The following HK1 variants were observed in gnomAD, a reference collection of about 807,000 sequenced individuals.
The protein encoded by HK1 is hexokinase 1, also known as hexokinase-1.
Under a neutral mutation model 91.6 loss-of-function variants are expected in HK1, and 28 were observed. The ratio of observed to expected loss-of-function variants is 0.31; its 90% CI spans 0.23 to 0.42. HK1 has a LOEUF of 0.42. Ranked by LOEUF, HK1 falls within the 10% of genes least tolerant of loss-of-function variation. The pLI is 1.00. For missense variants in HK1, 770 were observed against 1,219.8 expected (o/e 0.63, Z 5.49); for synonymous variants, 430 against 468.1 (o/e 0.92, Z 1.05).
At chr10:69,320,063 C>T (rs1298349546) in intron 1 of HK1, among the ~76,000 whole-genome samples, 1 of 152,162 alleles carries the variant, frequency 6.6e-6, no homozygotes, top group East Asian at 1.9e-4. Flanking sequence ...TGATTTTCTG[C>T]CCGGCAAGCC....
intron 2 of HK1, among the ~76,000 whole-genome samples, chr10:69,283,217 C>T (rs942953593): frequency 1.4e-5 from 2 of 146,934 alleles, no homozygotes; most frequent in Non-Finnish European, 3.0e-5. Flanking sequence ...GAGGCCAAGG[C>T]GGGAGGATCA....
chr10:69,286,456 T>C (rs1845036909), intron 2 of HK1, among the ~76,000 whole-genome samples: 2 of 152,124 alleles, frequency 1.3e-5, no homozygotes, highest in South Asian at 4.1e-4. Flanking sequence ...ATTGCACTAC[T>C]GCACTCCAGC....
At chr10:69,272,345 T>C (rs1003503224) in intron 1 of HK1, among the ~76,000 whole-genome samples, 1 of 152,240 alleles carries the variant, frequency 6.6e-6, no homozygotes, top group African/African-American at 2.4e-5. Flanking sequence ...GGGTCTCTGA[T>C]GCCCAGGTTA....
intron 7 of HK1, among the ~76,000 whole-genome samples, chr10:69,372,819 T>G (rs368476234): frequency 3.2e-4 from 49 of 152,198 alleles, no homozygotes; most frequent in African/African-American, 1.1e-3. Context: ...TCCTCTGTAT[T>G]GTAAAAGCTC....
At chr10:69,330,885 CTTTTTTTT>C (rs1254023279) in intron 1 of HK1, among the ~76,000 whole-genome samples, 1 of 143,912 alleles carries the variant, frequency 6.9e-6, no homozygotes, top group African/African-American at 2.5e-5. Context: ...TTCTTTTTTT[CTTTTTTTT>C]TTTTTGAGAC....
intron 2 of HK1, among the ~76,000 whole-genome samples, chr10:69,347,585 A>C (rs1165831149): frequency 6.6e-6 from 1 of 151,094 alleles, no homozygotes; most frequent in Non-Finnish European, 1.5e-5. Flanking sequence ...ACAAGTGCGC[A>C]CCACCACGCT....
intron 1 of HK1, among the ~76,000 whole-genome samples, chr10:69,342,365 G>A (rs1848337966): frequency 6.6e-6 from 1 of 152,194 alleles, no homozygotes; most frequent in Non-Finnish European, 1.5e-5. Context: ...AGGGGTCAGT[G>A]CTGAAGGAGT....
intron 7 of HK1, among the ~76,000 whole-genome samples, chr10:69,376,345 C>T (rs1839105302): frequency 1.3e-5 from 2 of 151,898 alleles, no homozygotes; most frequent in Admixed American, 6.6e-5. Flanking sequence ...AAGGAGACTC[C>T]CCCTCTACAA....
In HK1 at chr10:69,355,665, G is replaced by A. The variant is rs144844291; in HGVS notation, c.227-4232G>A. Among the ~76,000 whole-genome samples, 1,038 of 152,144 alleles carry A rather than the reference G, an allele frequency of 6.8e-3. 12 individuals carry two copies. The highest frequency in any genetic ancestry group is 0.024 in the African/African-American group (987 of 41,496). ...AAATTAGCCAGTTGTGGTGGCACAC[G>A]CCTGTAATCCTAGCTACTTGGGAGG... On this transcript the variant is annotated intron_variant, in intron 2 of 17. Transcript: ENST00000359426.
At chr10:69,316,731 CTGGGT>C (rs1846666838), upstream of HK1, among the ~76,000 whole-genome samples, 1 of 152,230 alleles carries the variant, frequency 6.6e-6, no homozygotes, top group Admixed American at 6.5e-5. Flanking sequence ...CGGCTGGTGG[CTGGGT>C]TAAGGGCCAT....
intron 1 of HK1, among the ~76,000 whole-genome samples, chr10:69,273,090 G>A (rs1315757316): frequency 1.4e-5 from 2 of 147,138 alleles, no homozygotes; most frequent in African/African-American, 5.1e-5. Context: ...GAGTGCAGTA[G>A]TGCAATCTCA....
At chr10:69,295,947 A>G (rs1325797623) in intron 4 of HK1, among the ~76,000 whole-genome samples, 1 of 152,134 alleles carries the variant, frequency 6.6e-6, no homozygotes, top group Non-Finnish European at 1.5e-5. Context: ...GTCAGAGCCA[A>G]ACACAAGGCC....
upstream of HK1, among the ~76,000 whole-genome samples, chr10:69,311,735 C>T (rs1325984968): frequency 6.6e-6 from 1 of 152,066 alleles, no homozygotes; most frequent in African/African-American, 2.4e-5. Flanking sequence ...CTCCTGGGTT[C>T]AAGCAATTCT....
intron 1 of HK1, chr10:69,278,847 G>A (rs1844595025): frequency 6.6e-6 from 1 of 152,124 alleles, no homozygotes; most frequent in Admixed American, 6.5e-5. Flanking sequence ...TTTGGCTTGG[G>A]TTATTACGCA....
rs1844421617 is a variant in HK1 at position 69,276,086 on chromosome 10, T to C, written c.-391+5978T>C. Among the ~76,000 whole-genome samples the C allele has an allele frequency of 4.0e-5, 2 of 50,452 alleles. 1 individual carries two copies. Among genetic ancestry groups the C allele is most frequent in the Admixed American group, 6.3e-4 (2 of 3,184 alleles). The allele number at this position is 50,452 out of a possible 152,430, so 33.1% of individuals were successfully genotyped here. ...GCCTGGGCAGCAAGAGCAAAACTCC[T>C]TTTCAAAAAAAAAAAAAAAAAAAAA... On this transcript the variant is annotated intron_variant, in intron 1 of 21. Coordinates refer to the HK1 transcript ENST00000360289.
intron 3 of HK1, among the ~76,000 whole-genome samples, chr10:69,361,772 G>A (rs1297809418): frequency 6.6e-6 from 1 of 152,146 alleles, no homozygotes. Flanking sequence ...AAAAGAGGAT[G>A]ATGACGATAA....
intron 3 of HK1, among the ~76,000 whole-genome samples, chr10:69,289,646 T>G (rs908011477): frequency 2.0e-5 from 3 of 151,624 alleles, no homozygotes; most frequent in Non-Finnish European, 4.4e-5. Context: ...TAATTTTGTA[T>G]TTTTTTGTAG....
upstream of HK1, among the ~76,000 whole-genome samples, chr10:69,317,176 C>T (rs1365269469): frequency 6.6e-6 from 1 of 152,228 alleles, no homozygotes. Flanking sequence ...GCTTTAACCG[C>T]ATTAACTTTT....
chr10:69,289,671 C>T (rs1845202777), intron 3 of HK1, among the ~76,000 whole-genome samples: 2 of 151,238 alleles, frequency 1.3e-5, no homozygotes, highest in Admixed American at 1.3e-4. Flanking sequence ...GGGGTTTTGT[C>T]ATGTTGCCCA....
Sources: allele counts gnomAD v4.1 joint callset (sites outside exome capture counted in the v4.1 genomes callset), GRCh38; gene constraint gnomAD v4.1.1; transcripts MANE v1.5; gene names NCBI Gene and HGNC (gene_info 2026-07-23, HGNC 2026-07-21).